Variants in TOX observed in about 807,000 individuals in gnomAD.
The protein encoded by TOX is thymocyte selection associated high mobility group box.
Under a neutral mutation model 53.7 loss-of-function variants are expected in TOX, and 11 were observed. The ratio of observed to expected loss-of-function variants is 0.20; its 90% confidence interval spans 0.13 to 0.34. TOX has a LOEUF of 0.34. Among genes scored for constraint, TOX ranks in the 10% least tolerant of loss-of-function variants. TOX has a pLI of 1.00. For synonymous variants in TOX, 225 were observed against 245.3 expected (o/e 0.92, Z 0.77); for missense variants, 570 against 664.6 (o/e 0.86, Z 1.56).
At chr8:59,087,983 T>C (rs757078494) in intron 1 of TOX, among the ~76,000 whole-genome samples, 1 of 152,212 alleles carries the variant, frequency 6.6e-6, no homozygotes, top group Non-Finnish European at 1.5e-5. Context: ...TGTGAGTGTG[T>C]GGACTTTCAC....
chr8:58,839,032 T>A (rs1810598241), intron 4 of TOX, among the ~76,000 whole-genome samples: 1 of 152,120 alleles, frequency 6.6e-6, no homozygotes, highest in African/African-American at 2.4e-5. Context: ...CTTTAAAACC[T>A]CGGGGGCAGC....
chr8:59,061,844 G>C (rs1311847137), intron 1 of TOX, among the ~76,000 whole-genome samples: 11 of 152,106 alleles, frequency 7.2e-5, no homozygotes, highest in Admixed American at 7.2e-4. Flanking sequence ...CCCAGCCCCT[G>C]CCAGGAGAGG....
intron 1 of TOX, among the ~76,000 whole-genome samples, chr8:58,973,286 C>A (rs1048903175): frequency 6.6e-6 from 1 of 152,150 alleles, no homozygotes; most frequent in African/African-American, 2.4e-5. Context: ...GGGCAATGAA[C>A]CTGCATTTGT....
chr8:58,848,329 T>C (rs913759323), intron 4 of TOX, among the ~76,000 whole-genome samples: 1 of 151,394 alleles, frequency 6.6e-6, no homozygotes, highest in Non-Finnish European at 1.5e-5. Context: ...AAAAGAAACA[T>C]AAAATATTTG....
At chr8:59,073,445 C>T (rs555959086) in intron 1 of TOX, among the ~76,000 whole-genome samples, 2 of 152,238 alleles carry the variant, frequency 1.3e-5, no homozygotes, top group East Asian at 3.9e-4. Context: ...ACACGAAATG[C>T]GTTGCTTGAA....
At chr8:59,067,227 A>G (rs1321607799) in intron 1 of TOX, among the ~76,000 whole-genome samples, 1 of 152,198 alleles carries the variant, frequency 6.6e-6, no homozygotes, top group Non-Finnish European at 1.5e-5. Context: ...ACAATCTTAA[A>G]GATGTGCTTA....
intron 6 of TOX, among the ~76,000 whole-genome samples, chr8:58,824,492 C>T (rs2129165613): frequency 6.6e-6 from 1 of 152,284 alleles, no homozygotes. Flanking sequence ...CAGACCTTTT[C>T]AATTCAAGGA....
chr8:59,056,706 C>G, intron 1 of TOX, among the ~76,000 whole-genome samples: 1 of 152,174 alleles, frequency 6.6e-6, no homozygotes, highest in African/African-American at 2.4e-5. Context: ...GTTCTGTTAT[C>G]TGAAAAGTCA....
chr8:59,005,149 C>T (rs1212256662), intron 1 of TOX, among the ~76,000 whole-genome samples: 3 of 152,024 alleles, frequency 2.0e-5, no homozygotes, highest in African/African-American at 7.3e-5. Context: ...CGCCATTCTC[C>T]TGCCTCAGCC....
At chr8:59,082,806 C>T (rs1342968727) in intron 1 of TOX, among the ~76,000 whole-genome samples, 1 of 152,088 alleles carries the variant, frequency 6.6e-6, no homozygotes, top group Admixed American at 6.5e-5. Flanking sequence ...CATTTGCGTA[C>T]CTCTACCCTT....
intron 1 of TOX, among the ~76,000 whole-genome samples, chr8:58,997,290 A>C (rs1813578070): frequency 1.1e-5 from 1 of 88,752 alleles, no homozygotes; most frequent in Non-Finnish European, 2.8e-5. Context: ...GATGTGAGCA[A>C]TTTAGAAATA....
At chr8:58,832,474 G>C (rs1810478159) in intron 5 of TOX, among the ~76,000 whole-genome samples, 1 of 152,052 alleles carries the variant, frequency 6.6e-6, no homozygotes, top group Non-Finnish European at 1.5e-5. Context: ...CTTAAGTATT[G>C]TTGACATAAA....
intron 1 of TOX, among the ~76,000 whole-genome samples, chr8:59,011,093 A>G (rs544001157): frequency 2.6e-5 from 4 of 152,318 alleles, no homozygotes; most frequent in Admixed American, 6.5e-5. Context: ...GTATTTTTAG[A>G]TCCCTTTTCA....
intron 1 of TOX, among the ~76,000 whole-genome samples, chr8:59,098,889 AG>A: frequency 6.8e-6 from 1 of 146,658 alleles, no homozygotes; most frequent in African/African-American, 2.6e-5. Flanking sequence ...AATATGCTCC[AG>A]TTGCCCTTTA....
At chr8:58,923,136 G>A (rs1170630198) in intron 3 of TOX, among the ~76,000 whole-genome samples, 2 of 152,094 alleles carry the variant, frequency 1.3e-5, no homozygotes, top group Non-Finnish European at 2.9e-5. Flanking sequence ...AGTCACTGAA[G>A]GGTGGTCAAT....
At chr8:58,897,703 C>CT (rs10649827) in intron 3 of TOX, among the ~76,000 whole-genome samples, 65 of 148,486 alleles carry the variant, frequency 4.4e-4, no homozygotes, top group Admixed American at 8.7e-4. Flanking sequence ...AAATGGAAGT[C>CT]TTTTTTTTTT....
intron 1 of TOX, among the ~76,000 whole-genome samples, chr8:59,072,124 G>A (rs1001046152): frequency 1.3e-5 from 2 of 152,140 alleles, no homozygotes; most frequent in Admixed American, 6.5e-5. Context: ...TCAGGTAAAT[G>A]TTTGTGTTGA....
At chr8:58,927,442 C>A (rs567887128) in intron 3 of TOX, among the ~76,000 whole-genome samples, 1 of 152,308 alleles carries the variant, frequency 6.6e-6, no homozygotes, top group East Asian at 1.9e-4. Context: ...TGCACCCCAG[C>A]CTGCCTAGTT....
chr8:59,118,775 G>A lies in TOX; in HGVS notation c.102+111C>T, dbSNP rs1390779892. The A allele has an allele frequency of 9.6e-6, 6 of 625,064 alleles. 1 individual carries two copies. The highest frequency in any genetic ancestry group is 1.3e-5 in the Non-Finnish European group (5 of 398,452). The allele number at this position is 625,064 out of a possible 1,614,324, so 38.7% of individuals were successfully genotyped here. On this transcript the variant is annotated intron_variant, in intron 1 of 8. Transcript: ENST00000361421. The surrounding 1 kb of genome is among the most constrained non-coding windows in gnomAD (Gnocchi z 4.1). ...GGCTGCAGCGGGCTGCGAGCCGAGCGCGCCCGGGACCGGCCTCCGCCAAGC... is the reference window on the plus strand; with the variant it reads ...GGCTGCAGCGGGCTGCGAGCCGAGCACGCCCGGGACCGGCCTCCGCCAAGC...
Sources: allele counts gnomAD v4.1 joint callset (sites outside exome capture counted in the v4.1 genomes callset), GRCh38; gene constraint gnomAD v4.1.1; non-coding constraint Gnocchi (gnomAD v3.1); transcripts MANE v1.5; gene names NCBI Gene and HGNC (gene_info 2026-07-23, HGNC 2026-07-21).